HS6ST3: variants seen among roughly 807,000 people sequenced by gnomAD.
HS6ST3 encodes the protein heparan-sulfate 6-O-sulfotransferase 3.
HS6ST3 carries 12 observed loss-of-function variants against 36.7 expected under a neutral mutation model. The ratio of observed to expected loss-of-function variants is 0.33; its 90% CI spans 0.21 to 0.53. The LOEUF is 0.53. Ranked by LOEUF, HS6ST3 falls within the 20% of genes least tolerant of loss-of-function variation. The pLI, the probability that HS6ST3 is intolerant of heterozygous loss-of-function variation, is 0.95. For missense variants in HS6ST3, 584 were observed against 640.9 expected, an observed-to-expected ratio of 0.91 and a Z score of 0.96; for synonymous variants, 240 against 257.5, an observed-to-expected ratio of 0.93 and a Z score of 0.65.
chr13:96,748,847 A>T (rs1876626510), intron 1 of HS6ST3, among the ~76,000 whole-genome samples: 1 of 152,248 alleles, frequency 6.6e-6, no homozygotes. Context: ...TTGTCACTAA[A>T]TGCTCTGTAT....
intron 1 of HS6ST3, among the ~76,000 whole-genome samples, chr13:96,524,511 C>T (rs578076819): frequency 6.6e-6 from 1 of 152,212 alleles, no homozygotes; most frequent in Non-Finnish European, 1.5e-5. Flanking sequence ...CTGCAGTGGG[C>T]TCCACCCAGT....
intron 1 of HS6ST3, among the ~76,000 whole-genome samples, chr13:96,659,190 C>T (rs1471725530): frequency 6.6e-6 from 1 of 152,198 alleles, no homozygotes; most frequent in South Asian, 2.1e-4. Context: ...GTGGCATTGT[C>T]AGCTTTTTGG....
chr13:96,460,723 T>C (rs1266792389), intron 1 of HS6ST3, among the ~76,000 whole-genome samples: 1 of 152,228 alleles, frequency 6.6e-6, no homozygotes, highest in African/African-American at 2.4e-5. Flanking sequence ...GCTTTAAGAA[T>C]TAGACAGCTC....
intron 1 of HS6ST3, among the ~76,000 whole-genome samples, chr13:96,768,754 T>C (rs1320500599): frequency 1.3e-5 from 2 of 151,952 alleles, no homozygotes; most frequent in African/African-American, 2.4e-5. Context: ...TTAGATGGAA[T>C]CTAAAAGGCC....
At chr13:96,625,730 A>T (rs569629439) in intron 1 of HS6ST3, among the ~76,000 whole-genome samples, 101 of 151,810 alleles carry the variant, frequency 6.7e-4, no homozygotes, top group Non-Finnish European at 1.3e-3. Flanking sequence ...ATATTTATAT[A>T]TTGTGGGTTC....
chr13:96,613,612 A>T (rs949239934), intron 1 of HS6ST3, among the ~76,000 whole-genome samples: 19 of 152,326 alleles, frequency 1.2e-4, no homozygotes, highest in African/African-American at 4.1e-4. Context: ...GTTTGTTTTA[A>T]TTCAATCACT....
intron 1 of HS6ST3, among the ~76,000 whole-genome samples, chr13:96,288,329 G>C (rs1284556041): frequency 6.6e-6 from 1 of 152,064 alleles, no homozygotes; most frequent in Non-Finnish European, 1.5e-5. Flanking sequence ...CTTGTGTTTA[G>C]ATAGATTTCT....
At chr13:96,404,598 G>C (rs773050429) in intron 1 of HS6ST3, among the ~76,000 whole-genome samples, 2 of 152,192 alleles carry the variant, frequency 1.3e-5, no homozygotes, top group African/African-American at 2.4e-5. Context: ...AGGAAGGAAA[G>C]TTTGGAAGGA....
chr13:96,179,219 T>C (rs146103405), intron 1 of HS6ST3, among the ~76,000 whole-genome samples: 4 of 152,306 alleles, frequency 2.6e-5, no homozygotes, highest in South Asian at 4.1e-4. Flanking sequence ...AAATCCAGAC[T>C]ATATTTTTAA....
At chr13:96,191,073 G>A (rs576855187) in intron 1 of HS6ST3, among the ~76,000 whole-genome samples, 11 of 152,184 alleles carry the variant, frequency 7.2e-5, no homozygotes, top group Admixed American at 2.6e-4. Context: ...CTGTTTCTTC[G>A]CCATTCTTAT....
chr13:96,727,324 T>A (rs1455773622), intron 1 of HS6ST3, among the ~76,000 whole-genome samples: 4 of 152,172 alleles, frequency 2.6e-5, no homozygotes, highest in African/African-American at 7.2e-5. Flanking sequence ...GTACCTGGCA[T>A]GTAGAAATGC....
At chr13:96,621,075 G>A (rs2056493345) in intron 1 of HS6ST3, among the ~76,000 whole-genome samples, 1 of 152,204 alleles carries the variant, frequency 6.6e-6, no homozygotes, top group South Asian at 2.1e-4. Context: ...TGCCTGCATT[G>A]AACAAGGATC....
intron 1 of HS6ST3, among the ~76,000 whole-genome samples, chr13:96,242,860 A>G (rs1180564606): frequency 6.6e-6 from 1 of 152,224 alleles, no homozygotes; most frequent in Non-Finnish European, 1.5e-5. Context: ...TGAAATCACT[A>G]TCTCCAAAAG....
At chr13:96,099,222 G>A (rs980109809) in intron 1 of HS6ST3, among the ~76,000 whole-genome samples, 1 of 152,156 alleles carries the variant, frequency 6.6e-6, no homozygotes, top group African/African-American at 2.4e-5. Context: ...GATTACAGGT[G>A]TGAGCCACCA....
At position 96,733,027 on chromosome 13, in the gene HS6ST3, G is replaced by A. The variant is rs970221768; in HGVS notation, c.708-99463G>A. ...CTAAATTTGTTTATTATTTCTAACA[G>A]CATTTTGGTGGAACCTTTAGGGTTT... On this transcript the variant is annotated intron_variant, in intron 1 of 1. Coordinates refer to ENST00000376705, the MANE Select transcript of HS6ST3 (RefSeq NM_153456.4). Among the ~76,000 whole-genome samples the A allele has an allele frequency of 2.0e-5, 3 of 152,262 alleles. No homozygotes were observed. In the East Asian group the frequency reaches 5.8e-4, roughly 29 times the overall value.
In HS6ST3 at chr13:96,091,467, C is replaced by T. The variant is rs2053763956; in HGVS notation, c.605C>T (p.Thr202Ile). The T allele has an allele frequency of 1.9e-6, 3 of 1,608,162 alleles. No homozygotes were observed. The highest frequency in any genetic ancestry group is 1.7e-5 in the Admixed American group (1 of 59,550). The change falls in exon 1 of 2, where the codon ACC (threonine) becomes ATC (isoleucine). Residue 202 changes from threonine (T) to isoleucine (I), a missense_variant. This residue lies in a region of HS6ST3 where 360 missense variants were observed against 411.3 expected (regional missense o/e 0.88). Coordinates refer to ENST00000376705, the MANE Select transcript of HS6ST3 (RefSeq NM_153456.4). ...ACGTGGCTCTTCTCCCGCTTCTCCA[C>T]CGGCTGGAGCTGCGGGCTGCACGCC... ...KETWLFSRFS[T>I]GWSCGLHADW...
At chr13:96,779,374 A>AT (rs34650114) in intron 1 of HS6ST3, among the ~76,000 whole-genome samples, 591 of 151,784 alleles carry the variant, frequency 3.9e-3, no homozygotes, top group Non-Finnish European at 5.4e-3. Context: ...TGGAACCAGA[A>AT]TTTTTTCCAT....
At chr13:96,101,217 G>A (rs9562024) in intron 1 of HS6ST3, among the ~76,000 whole-genome samples, 31,299 of 152,030 alleles carry the variant, frequency 0.21, 3,617 homozygotes, top group South Asian at 0.29. Flanking sequence ...GGCATGACAA[G>A]TAGTTTGCAA....
intron 1 of HS6ST3, among the ~76,000 whole-genome samples, chr13:96,815,985 A>C (rs945289806): frequency 3.3e-5 from 5 of 152,216 alleles, no homozygotes; most frequent in Non-Finnish European, 7.4e-5. Context: ...CAGGGCTCTG[A>C]ATGGGAATTG....
Sources: allele counts gnomAD v4.1 joint callset (sites outside exome capture counted in the v4.1 genomes callset), GRCh38; gene constraint gnomAD v4.1.1; regional missense constraint gnomAD v4.1.1; transcripts MANE v1.5; gene names NCBI Gene and HGNC (gene_info 2026-07-23, HGNC 2026-07-21).